The following PTPRN2 variants were observed in gnomAD, a reference collection of about 807,000 sequenced individuals.
PTPRN2 encodes receptor-type tyrosine-protein phosphatase N2.
A neutral mutation model predicts 118.8 loss-of-function variants in PTPRN2; 74 were observed. The observed-to-expected ratio is 0.62, with a 90% CI of 0.52 to 0.76. The LOEUF (loss-of-function observed/expected upper bound fraction) is 0.76, where lower values mean the gene tolerates loss of function less well. PTPRN2 is among the 30% of genes least tolerant of loss of function. The pLI, the probability that PTPRN2 is intolerant of heterozygous loss-of-function variation, is 0.00. For missense variants in PTPRN2, 1,481 were observed against 1,394.4 expected (o/e 1.06, Z -0.99); for synonymous variants, 641 against 608.0 (o/e 1.05, Z -0.80).
At chr7:157,825,526 T>G (rs1357808952) in intron 12 of PTPRN2, among the ~76,000 whole-genome samples, 2 of 152,224 alleles carry the variant, frequency 1.3e-5, no homozygotes, top group Non-Finnish European at 2.9e-5. Flanking sequence ...TACACACGTG[T>G]TTGCCAGTGA....
In PTPRN2 at chr7:158,336,676, T is replaced by A. The variant is rs1366187501; in HGVS notation, c.164-19744A>T. Among the ~76,000 whole-genome samples, 8 of 134,000 alleles carry A rather than the reference T, an allele frequency of 6.0e-5. No homozygotes were observed. In the Admixed American group the frequency reaches 6.2e-4, roughly 10 times the overall value. 87.9% of individuals were successfully genotyped at this position (134,000 alleles called of 152,430 possible). ...GTCACTCACACCCACACTCTCACCA[T>A]AAGAGCTGACGCCCGCAGACGTCAC... On this transcript the variant is annotated intron_variant, in intron 2 of 22. Coordinates refer to ENST00000389418, the MANE Select transcript of PTPRN2 (RefSeq NM_002847.5).
At chr7:158,007,898 G>A (rs1805751121) in intron 11 of PTPRN2, among the ~76,000 whole-genome samples, 1 of 150,890 alleles carries the variant, frequency 6.6e-6, no homozygotes, top group Non-Finnish European at 1.5e-5. Flanking sequence ...GTATGTATCT[G>A]GTTGTGTGCA....
chr7:158,422,448 G>C (rs191804158), intron 2 of PTPRN2, among the ~76,000 whole-genome samples: 1 of 152,208 alleles, frequency 6.6e-6, no homozygotes, highest in African/African-American at 2.4e-5. Context: ...TCTGAATGCT[G>C]CCAGATTCTC....
At chr7:158,350,779 T>C (rs1390097160) in intron 2 of PTPRN2, among the ~76,000 whole-genome samples, 1 of 152,156 alleles carries the variant, frequency 6.6e-6, no homozygotes, top group Non-Finnish European at 1.5e-5. Context: ...GCCTCACAGT[T>C]CAGATGAGGA....
rs1311685762 is a variant in PTPRN2 at position 158,556,750 on chromosome 7, G to A, written c.112+30808C>T. On this transcript the variant is annotated intron_variant, in intron 1 of 22. Coordinates refer to ENST00000389418, the MANE Select transcript of PTPRN2 (RefSeq NM_002847.5). ...CAGGCGGCTCCCGGGCAGGTCAGGC[G>A]GCTCCCGAGCAGGTTGCTCCCACGC... is the stretch of plus-strand genomic sequence containing the variant. Among the ~76,000 whole-genome samples the A allele has an allele frequency of 7.0e-5, 10 of 142,332 alleles. No homozygotes were observed. The South Asian group carries it at 7.0e-4, about 10-fold the overall frequency. The allele number at this position is 142,332 out of a possible 152,430, so 93.4% of individuals were successfully genotyped here. A position where few individuals can be genotyped will look rare whatever the true frequency, so the allele number is the denominator to read the frequency against.
intron 11 of PTPRN2, among the ~76,000 whole-genome samples, chr7:157,958,349 G>A (rs192800996): frequency 6.6e-6 from 1 of 152,184 alleles, no homozygotes; most frequent in Non-Finnish European, 1.5e-5. Flanking sequence ...AATATGAGGA[G>A]GCCTGCTTTC....
intron 11 of PTPRN2, among the ~76,000 whole-genome samples, chr7:157,991,803 C>G (rs1357839310): frequency 6.6e-6 from 1 of 151,234 alleles, no homozygotes; most frequent in Non-Finnish European, 1.5e-5. Context: ...TAGACCCTCC[C>G]AGAAGTGATG....
chr7:157,860,351 C>T (rs1366249390), intron 12 of PTPRN2, among the ~76,000 whole-genome samples: 1 of 152,242 alleles, frequency 6.6e-6, no homozygotes, highest in East Asian at 1.9e-4. Flanking sequence ...CAGCCCACCC[C>T]ACAGTCCACC....
At position 157,585,648 on chromosome 7, in the gene PTPRN2, G is replaced by A. The variant is rs963003269; in HGVS notation, c.2497-7508C>T. Among the ~76,000 whole-genome samples, 16 of 152,176 alleles carry A rather than the reference G, an allele frequency of 1.1e-4. No homozygotes were observed. The highest frequency in any genetic ancestry group is 2.6e-4 in the Admixed American group (4 of 15,280). On this transcript the variant is annotated intron_variant, in intron 17 of 22. Transcript: ENST00000389418. The surrounding 1 kb of genome is among the most constrained non-coding windows in gnomAD (Gnocchi z 5.2). ...TTAAATATGCGCCTGGTCTCCTTGC[G>A]GGGAGCTGCTGCACTGGGCGGCCTT...
chr7:157,898,724 G>C lies in PTPRN2; in HGVS notation c.1737C>G (p.Asp579Glu). The change falls in exon 12 of 23, where the codon GAC becomes GAG. Residue 579 changes from aspartate to glutamate, a missense_variant. Coordinates refer to ENST00000389418, the MANE Select transcript of PTPRN2 (RefSeq NM_002847.5). ...TCAGTCCAGAGGTTTCCTCCAGTTTGTCTTTGTTGTCAACTGTTAGGAAAA... is the reference window on the plus strand; with the variant it reads ...TCAGTCCAGAGGTTTCCTCCAGTTTCTCTTTGTTGTCAACTGTTAGGAAAA... ...DVEKATVDNK[D>E]KLEETSGLKI... 1 of 1,606,496 alleles carries C rather than the reference G, an allele frequency of 6.2e-7. No homozygotes were observed.
At chr7:157,709,691 A>G (rs2533290) in intron 12 of PTPRN2, among the ~76,000 whole-genome samples, 26,932 of 152,184 alleles carry the variant, frequency 0.18, 2,473 homozygotes, top group Admixed American at 0.24. Flanking sequence ...CTGCTCCAGG[A>G]GCTGCGCCAC....
chr7:158,547,296 T>C (rs187396717), intron 1 of PTPRN2, among the ~76,000 whole-genome samples: 166 of 152,160 alleles, frequency 1.1e-3, no homozygotes, highest in African/African-American at 3.8e-3. Flanking sequence ...TTTTGCAAAA[T>C]TGAACTTCAT....
At chr7:158,115,223 A>G (rs1388459967) in intron 9 of PTPRN2, among the ~76,000 whole-genome samples, 1 of 152,164 alleles carries the variant, frequency 6.6e-6, no homozygotes, top group East Asian at 1.9e-4. Flanking sequence ...CCCCTGGATA[A>G]AGAACAGGTT....
intron 11 of PTPRN2, among the ~76,000 whole-genome samples, chr7:157,928,112 A>T (rs1007041812): frequency 1.3e-5 from 2 of 152,158 alleles, no homozygotes; most frequent in African/African-American, 4.8e-5. Flanking sequence ...ACTTTATGTG[A>T]ATTCACACGT....
At chr7:158,356,230 A>G (rs546918337) in intron 2 of PTPRN2, among the ~76,000 whole-genome samples, 1 of 152,296 alleles carries the variant, frequency 6.6e-6, no homozygotes, top group South Asian at 2.1e-4. Context: ...TTTCCTCGGG[A>G]ATCTAAAATA....
intron 4 of PTPRN2, among the ~76,000 whole-genome samples, chr7:158,204,665 C>A (rs1237697305): frequency 6.6e-6 from 1 of 152,076 alleles, no homozygotes; most frequent in Non-Finnish European, 1.5e-5. Flanking sequence ...TTTCAAGAAT[C>A]GGTATGACAT....
At chr7:158,257,253 C>A (rs1797082238) in intron 3 of PTPRN2, among the ~76,000 whole-genome samples, 1 of 152,164 alleles carries the variant, frequency 6.6e-6, no homozygotes, top group Admixed American at 6.5e-5. Context: ...GACGCGGAAC[C>A]CGACCCCTCA....
intron 3 of PTPRN2, among the ~76,000 whole-genome samples, chr7:158,298,669 T>A (rs921913002): frequency 5.9e-5 from 9 of 152,110 alleles, no homozygotes; most frequent in African/African-American, 1.7e-4. Context: ...GGCTTCAGAT[T>A]GGAGGAGGGC....
At chr7:157,809,203 A>G (rs73508116) in intron 12 of PTPRN2, among the ~76,000 whole-genome samples, 2,674 of 151,802 alleles carry the variant, frequency 0.018, 80 homozygotes, top group African/African-American at 0.059. Context: ...CAGATGCCTT[A>G]TGGAGCCAGG....
Sources: gnomAD v4.1 joint callset for allele counts (sites outside exome capture counted in the v4.1 genomes callset) on GRCh38, gnomAD v4.1.1 for gene constraint, Gnocchi (gnomAD v3.1) non-coding constraint, MANE v1.5 for transcripts, NCBI Gene and HGNC (gene_info 2026-07-23, HGNC 2026-07-21) for gene names.